ZNF638: variants seen among roughly 807,000 people sequenced by gnomAD.
The protein encoded by ZNF638 is CTCL tumor antigen se33-1.
A neutral mutation model predicts 195.6 loss-of-function variants in ZNF638; 46 were observed. That is an observed-to-expected ratio of 0.24 (90% CI 0.19 to 0.30). The LOEUF is 0.30. Ranked by LOEUF, ZNF638 falls within the 10% of genes least tolerant of loss-of-function variation. The pLI, the probability that ZNF638 is intolerant of heterozygous loss-of-function variation, is 1.00. For missense variants in ZNF638, 2,440 were observed against 2,325.3 expected, an observed-to-expected ratio of 1.05 and a Z score of -1.01; for synonymous variants, 845 against 772.0, an observed-to-expected ratio of 1.09 and a Z score of -1.57.
chr2:71,430,086 C>T (rs1228176642), intron 25 of ZNF638, among the ~76,000 whole-genome samples: 2 of 152,120 alleles, frequency 1.3e-5, no homozygotes, highest in Non-Finnish European at 2.9e-5. Flanking sequence ...TTACTGCTTA[C>T]GTAACAATAT....
chr2:71,368,596 T>C lies in ZNF638; in HGVS notation c.2142+68T>C, dbSNP rs866844455. 9.1e-6 allele frequency: 14 copies of C among 1,544,458 alleles called. No individual in the cohort carries two copies. In the Middle Eastern group the frequency reaches 5.3e-4, roughly 58 times the overall value. On this transcript the variant is annotated intron_variant, in intron 7 of 27. Transcript: ENST00000264447. ...GCTTTAATGATTCTATAAATTGCTGTTGTGTTCCTTAGCTGCTTGTACTGC... is the reference window on the plus strand; with the variant it reads ...GCTTTAATGATTCTATAAATTGCTGCTGTGTTCCTTAGCTGCTTGTACTGC...
rs1027394179 is a variant in ZNF638, at chr2:71,355,849, T to C, written c.1379+69T>C. On this transcript the variant is annotated intron_variant, in intron 3 of 27. Coordinates refer to ENST00000264447, the MANE Select transcript of ZNF638 (RefSeq NM_014497.5). ...AATAGTTAATGTTCAGATGTGACTG[T>C]TAAATACCTTTAGTATAATACTTTG... 39 of 844,594 alleles carry C rather than the reference T, an allele frequency of 4.6e-5. No individual in the cohort carries two copies. In the Admixed American group the frequency reaches 1.1e-3, roughly 23 times the overall value. 52.3% of individuals were successfully genotyped at this position (844,594 alleles called of 1,614,324 possible). A position where few individuals can be genotyped will look rare whatever the true frequency, so the allele number is the denominator to read the frequency against.
chr2:71,400,531 G>A lies in ZNF638; in HGVS notation c.2697+13G>A, dbSNP rs1214913182. The A allele has an allele frequency of 6.3e-7, 1 of 1,592,444 alleles. No individual in the cohort carries two copies. Among genetic ancestry groups the A allele is most frequent in the Non-Finnish European group, 8.5e-7 (1 of 1,170,940 alleles). On this transcript the variant is annotated intron_variant, in intron 15 of 27. Coordinates refer to ENST00000264447, the MANE Select transcript of ZNF638 (RefSeq NM_014497.5). ...ACCACTTAACAAGGTCAGTTTTCAT[G>A]TTTTATTTATTTCTTTAAAGCTCAA...
chr2:71,336,490 A>G (rs866075745), intron 1 of ZNF638, among the ~76,000 whole-genome samples: 42 of 152,148 alleles, frequency 2.8e-4, no homozygotes, highest in African/African-American at 9.7e-4. Context: ...ATTAACTCCT[A>G]TGTCTAATAT....
At chr2:71,334,761 T>C (rs2104060669) in intron 1 of ZNF638, among the ~76,000 whole-genome samples, 1 of 151,482 alleles carries the variant, frequency 6.6e-6, no homozygotes, top group South Asian at 2.1e-4. Flanking sequence ...CTACTAAAAA[T>C]AGAAAAAAAA....
At chr2:71,380,722 T>C in intron 10 of ZNF638, 157 bp downstream of exon 10, 1 of 502,290 alleles carries the variant, frequency 2.0e-6, no homozygotes, top group Non-Finnish European at 3.5e-6. Context: ...CGGTTAATAT[T>C]TAATGCTGTG....
chr2:71,360,918 T>C (rs1395879901), intron 3 of ZNF638, among the ~76,000 whole-genome samples: 1 of 152,218 alleles, frequency 6.6e-6, no homozygotes, highest in Non-Finnish European at 1.5e-5. Context: ...TATACATGCT[T>C]TATCTTTCTG....
intron 10 of ZNF638, among the ~76,000 whole-genome samples, chr2:71,383,762 CTTTTTTTTT>C (rs1181570876): frequency 1.2e-4 from 9 of 76,730 alleles, no homozygotes; most frequent in Admixed American, 3.6e-4. Context: ...TTTTCTTTTT[CTTTTTTTTT>C]TTTTTTTTTT....
At chr2:71,390,866 A>G (rs980927171) in intron 10 of ZNF638, among the ~76,000 whole-genome samples, 4 of 149,416 alleles carry the variant, frequency 2.7e-5, no homozygotes, top group African/African-American at 9.8e-5. Context: ...ATTTGGAGGG[A>G]AAAAACAGTT....
At chr2:71,395,066 C>T (rs557595005) in intron 10 of ZNF638, among the ~76,000 whole-genome samples, 26 of 152,230 alleles carry the variant, frequency 1.7e-4, no homozygotes, top group East Asian at 3.9e-4. Flanking sequence ...TAACAGCAGA[C>T]GTAAAGCAAC....
chr2:71,382,428 T>G (rs2079549851), intron 10 of ZNF638, among the ~76,000 whole-genome samples: 1 of 152,166 alleles, frequency 6.6e-6, no homozygotes, highest in Non-Finnish European at 1.5e-5. Context: ...GGAAGGGTAC[T>G]TGATAATTTT....
At chr2:71,432,208 T>C (rs1238572789) in intron 26 of ZNF638, among the ~76,000 whole-genome samples, 2 of 152,210 alleles carry the variant, frequency 1.3e-5, no homozygotes, top group East Asian at 3.8e-4. Context: ...ATTTTTATTA[T>C]ATTTTATTTT....
chr2:71,424,662 C>G lies in ZNF638; in HGVS notation c.4537C>G (p.Gln1513Glu), dbSNP rs774752845. Residue 1513 changes from glutamine to glutamate, a missense_variant, in exon 23 of 28, where the codon CAA becomes GAA. This residue lies in a region of ZNF638 where 1,883 missense variants were observed against 1,739.1 expected (regional missense o/e 1.08). Coordinates refer to ENST00000264447, the MANE Select transcript of ZNF638 (RefSeq NM_014497.5). ...TTTACTATTTCAGACTTTGGCTGAG[C>G]AAAACACTAAGAATCCTAAAAGCAC... ...DDSNNKTLAE[Q>E]NTKNPKSTTG... The G allele has an allele frequency of 1.2e-6, 2 of 1,612,264 alleles. No homozygotes were observed. Among genetic ancestry groups the G allele is most frequent in the South Asian group, 1.1e-5 (1 of 90,732 alleles).
chr2:71,408,451 A>G lies in ZNF638; in HGVS notation c.3261+204A>G, dbSNP rs1028134568. ...AAAGAAATTTTCAACAATGTAACAT[A>G]TATGCATTTTTGAATACTTACTGTT... is the stretch of plus-strand genomic sequence containing the variant. On this transcript the variant is annotated intron_variant, in intron 20 of 27. Transcript: ENST00000264447. The G allele has an allele frequency of 8.8e-6, 5 of 565,802 alleles. No homozygotes were observed. In the Admixed American group the frequency reaches 1.5e-4, roughly 17 times the overall value. The allele number at this position is 565,802 out of a possible 1,614,324, so 35.0% of individuals were successfully genotyped here. A position where few individuals can be genotyped will look rare whatever the true frequency, so the allele number is the denominator to read the frequency against.
chr2:71,417,505 G>GT (rs2080324891), intron 20 of ZNF638, among the ~76,000 whole-genome samples: 1 of 119,952 alleles, frequency 8.3e-6, no homozygotes, highest in Non-Finnish European at 1.9e-5. Context: ...TCCTCCCTGA[G>GT]TTTTTTAAAA....
chr2:71,399,353 C>T (rs189402198), intron 12 of ZNF638, among the ~76,000 whole-genome samples: 3 of 152,162 alleles, frequency 2.0e-5, no homozygotes, highest in African/African-American at 4.8e-5. Flanking sequence ...GCTCATTTGA[C>T]GGCATCACCA....
chr2:71,422,776 TG>T lies in ZNF638; in HGVS notation c.3300-37del, dbSNP rs1349513585. 5 of 1,570,706 alleles carry T rather than the reference TG, an allele frequency of 3.2e-6. No individual in the cohort carries two copies. In the African/African-American group the frequency reaches 6.9e-5, roughly 22 times the overall value. On this transcript the variant is annotated intron_variant, in intron 21 of 27. Coordinates refer to ENST00000264447, the MANE Select transcript of ZNF638 (RefSeq NM_014497.5). ...ATAGTTTGATTTTTGTTTGTGTTTTTGTTTGTGTTCTTTTTGTTTGTTTTTA... is the reference window on the plus strand; with the variant it reads ...ATAGTTTGATTTTTGTTTGTGTTTTTTTTGTGTTCTTTTTGTTTGTTTTTA...
intron 20 of ZNF638, among the ~76,000 whole-genome samples, chr2:71,413,954 C>T (rs1353967299): frequency 3.0e-5 from 1 of 33,206 alleles, no homozygotes; most frequent in Admixed American, 4.4e-4. Context: ...TTGGTTGTGT[C>T]TCTGCCCGGC....
intron 1 of ZNF638, among the ~76,000 whole-genome samples, chr2:71,339,505 A>AT (rs2078729100): frequency 6.6e-6 from 1 of 152,176 alleles, no homozygotes; most frequent in African/African-American, 2.4e-5. Flanking sequence ...AAATGGAAAC[A>AT]TTTTTTGGCC....
Sources: gnomAD v4.1 joint callset for allele counts (sites outside exome capture counted in the v4.1 genomes callset) on GRCh38, gnomAD v4.1.1 for gene constraint, gnomAD v4.1.1 regional missense constraint, MANE v1.5 for transcripts, NCBI Gene and HGNC (gene_info 2026-07-23, HGNC 2026-07-21) for gene names.